Variants in LIPA observed in about 807,000 individuals in gnomAD.
The protein encoded by LIPA is lysosomal acid lipase/cholesteryl ester hydrolase.
In LIPA, 26 loss-of-function variants were observed where a neutral mutation model predicts 40.6. The ratio of observed to expected loss-of-function variants is 0.64; its 90% CI spans 0.47 to 0.89. The LOEUF is 0.89. Among genes scored for constraint, LIPA ranks in the 40% least tolerant of loss-of-function variants. The pLI is 0.00. For synonymous variants in LIPA, 188 were observed against 168.4 expected (o/e 1.12, Z -0.90); for missense variants, 455 against 479.6 (o/e 0.95, Z 0.48).
At chr10:89,295,828 A>C (rs12781763) in intron 1 of LIPA, among the ~76,000 whole-genome samples, 1 of 152,244 alleles carries the variant, frequency 6.6e-6, no homozygotes, top group African/African-American at 2.4e-5. Flanking sequence ...ACCAGGAGAA[A>C]GTTGGTTTTC....
At chr10:89,302,177 C>G (rs1843449227) in intron 1 of LIPA, 4 of 1,601,942 alleles carry the variant, frequency 2.5e-6, no homozygotes, top group Non-Finnish European at 3.4e-6. Context: ...TCATCTTGTC[C>G]AATGCAAATC....
At chr10:89,327,755 T>TG (rs1843613354) in intron 1 of LIPA, 2 of 363,992 alleles carry the variant, frequency 5.5e-6, no homozygotes, top group Non-Finnish European at 5.1e-6. Context: ...ACATTAGGAA[T>TG]GCTTCCACAT....
At chr10:89,387,371 G>C (rs1844218302) in intron 2 of LIPA, among the ~76,000 whole-genome samples, 1 of 151,696 alleles carries the variant, frequency 6.6e-6, no homozygotes, top group African/African-American at 2.4e-5. Context: ...CATACCCTGG[G>C]AACATAAGAG....
intron 1 of LIPA, chr10:89,301,916 AAAAG>A: frequency 1.9e-6 from 1 of 513,610 alleles, no homozygotes; most frequent in South Asian, 2.7e-5. Flanking sequence ...TAAAAAGAAA[AAAAG>A]AAAAAGAGTC....
chr10:89,344,341 G>C (rs887321780), upstream of LIPA, among the ~76,000 whole-genome samples: 1 of 152,172 alleles, frequency 6.6e-6, no homozygotes, highest in African/African-American at 2.4e-5. Context: ...ACTTTCTCAT[G>C]GACTACATTA....
intron 1 of LIPA, chr10:89,306,889 G>T (rs1433299123): frequency 1.2e-6 from 2 of 1,613,962 alleles, no homozygotes; most frequent in African/African-American, 1.3e-5. Flanking sequence ...GGAAAAGAAA[G>T]TTACTGGAAC....
At chr10:89,347,921 T>C (rs1430563316) in intron 2 of LIPA, among the ~76,000 whole-genome samples, 1 of 152,204 alleles carries the variant, frequency 6.6e-6, no homozygotes, top group Non-Finnish European at 1.5e-5. Context: ...CCTTAGGCAG[T>C]ACAGGTTTAC....
At position 89,268,976 on chromosome 10, in the gene LIPA, ACT is replaced by A. The variant is rs1177576292; in HGVS notation, c.-1-21329_-1-21328del. On this transcript the variant is annotated intron_variant, in intron 1 of 5. Transcript: ENST00000282673. ...ACTCCAGTCTGGGCGACAGAGACAG[ACT>A]CTGTCTCAAAAAAAAAAAAGTATAA... is the stretch of plus-strand genomic sequence containing the variant. Among the ~76,000 whole-genome samples, 9 of 113,062 alleles carry A rather than the reference ACT, an allele frequency of 8.0e-5. No individual in the cohort carries two copies. In the Admixed American group the frequency reaches 8.8e-4, roughly 11 times the overall value. The allele number at this position is 113,062 out of a possible 152,430, so 74.2% of individuals were successfully genotyped here. A position where few individuals can be genotyped will look rare whatever the true frequency, so the allele number is the denominator to read the frequency against.
chr10:89,277,859 TAAAC>T (rs981039289), intron 1 of LIPA: 2 of 152,166 alleles, frequency 1.3e-5, no homozygotes, highest in African/African-American at 2.4e-5. Context: ...TTTTCAAAAA[TAAAC>T]AAACCCCTCC....
chr10:89,245,015 G>C (rs1438749648), intron 3 of LIPA, among the ~76,000 whole-genome samples: 2 of 152,012 alleles, frequency 1.3e-5, no homozygotes, highest in Non-Finnish European at 2.9e-5. Context: ...TGCATTAATA[G>C]GACACTTGGT....
chr10:89,316,564 C>G (rs1289938460), intron 1 of LIPA, among the ~76,000 whole-genome samples: 1 of 152,208 alleles, frequency 6.6e-6, no homozygotes, highest in Non-Finnish European at 1.5e-5. Context: ...AACAAAGTGG[C>G]TAGGAAGCTC....
intron 1 of LIPA, chr10:89,339,459 G>A (rs779661976): frequency 6.2e-7 from 1 of 1,614,122 alleles, no homozygotes; most frequent in Non-Finnish European, 8.5e-7. Flanking sequence ...AACGGGTGTT[G>A]GAATCCACAC....
chr10:89,315,718 C>T (rs1843537971), intron 1 of LIPA, among the ~76,000 whole-genome samples: 1 of 152,074 alleles, frequency 6.6e-6, no homozygotes, highest in South Asian at 2.1e-4. Context: ...AATTATTATC[C>T]AGAGCTTGGA....
intron 1 of LIPA, among the ~76,000 whole-genome samples, chr10:89,267,752 A>T (rs532174005): frequency 6.3e-4 from 92 of 145,702 alleles, no homozygotes; most frequent in African/African-American, 2.3e-3. Flanking sequence ...AGAAACTTAA[A>T]AAAAAAAAAA....
intron 1 of LIPA, chr10:89,339,003 T>C (rs1564792310): frequency 6.2e-7 from 1 of 1,614,162 alleles, no homozygotes; most frequent in South Asian, 1.1e-5. Flanking sequence ...CTCAGATTTA[T>C]GTAGATAAGG....
Position 89,247,379 on chromosome 10 carries a change from C to CAAAAA in LIPA, c.111+154_111+158dup, listed in dbSNP as rs71022556. On this transcript the variant is annotated intron_variant, in intron 2 of 9. Coordinates refer to ENST00000336233, the MANE Select transcript of LIPA (RefSeq NM_000235.4). ...CAGGTGACAGAGTAAGACTCTGCCT[C>CAAAAA]AAAAAAAAAAAAAAAAAAAAAAAAA... is the stretch of plus-strand genomic sequence containing the variant. 1.2e-3 allele frequency among the ~76,000 whole-genome samples: 89 copies of CAAAAA among 75,446 alleles called. 1 individual carries two copies. Among genetic ancestry groups the CAAAAA allele is most frequent in the Middle Eastern group, 7.1e-3 (1 of 140 alleles). The allele number at this position is 75,446 out of a possible 152,430, so 49.5% of individuals were successfully genotyped here.
At chr10:89,371,144 T>TC (rs1241289204) in intron 2 of LIPA, among the ~76,000 whole-genome samples, 1 of 152,208 alleles carries the variant, frequency 6.6e-6, no homozygotes, top group Non-Finnish European at 1.5e-5. Context: ...ACTGGCCAGA[T>TC]CCCACCAAAA....
chr10:89,313,830 G>T (rs1458263813), intron 1 of LIPA, among the ~76,000 whole-genome samples: 2 of 152,176 alleles, frequency 1.3e-5, no homozygotes, highest in East Asian at 3.8e-4. Flanking sequence ...ATGTGGAACG[G>T]AGGCAAATTT....
At chr10:89,402,255 A>G in intron 2 of LIPA, 3 of 1,498,948 alleles carry the variant, frequency 2.0e-6, no homozygotes, top group South Asian at 1.2e-5. Flanking sequence ...TCACCTAACA[A>G]AGAAAATCTG....
Sources: allele counts gnomAD v4.1 joint callset (sites outside exome capture counted in the v4.1 genomes callset), GRCh38; gene constraint gnomAD v4.1.1; transcripts MANE v1.5; gene names NCBI Gene and HGNC (gene_info 2026-07-23, HGNC 2026-07-21).